DCC: variants seen among roughly 807,000 people sequenced by gnomAD.
DCC encodes DCC netrin 1 receptor.
A neutral mutation model predicts 172.5 loss-of-function variants in DCC; 58 were observed. The observed-to-expected ratio is 0.34, with a 90% CI of 0.27 to 0.42. The LOEUF (loss-of-function observed/expected upper bound fraction) is 0.42. Among genes scored for constraint, DCC ranks in the 10% least tolerant of loss-of-function variants. The pLI is 1.00. For synonymous variants in DCC, 709 were observed against 644.5 expected, an observed-to-expected ratio of 1.10 and a Z score of -1.52; for missense variants, 1,740 against 1,791.0, an observed-to-expected ratio of 0.97 and a Z score of 0.51.
At chr18:52,736,697 T>C (rs891495865) in intron 1 of DCC, among the ~76,000 whole-genome samples, 3 of 152,208 alleles carry the variant, frequency 2.0e-5, no homozygotes, top group Non-Finnish European at 2.9e-5. Context: ...AAAAATGTTA[T>C]ATAGCAAACA....
At chr18:53,181,773 G>T (rs535265257) in intron 9 of DCC, among the ~76,000 whole-genome samples, 1 of 152,260 alleles carries the variant, frequency 6.6e-6, no homozygotes, top group South Asian at 2.1e-4. Flanking sequence ...GGGGGAAGCA[G>T]GTATTTTAAA....
chr18:52,345,205 A>G (rs747884157), intron 1 of DCC, among the ~76,000 whole-genome samples: 4 of 152,232 alleles, frequency 2.6e-5, no homozygotes, highest in Non-Finnish European at 5.9e-5. Context: ...GCTTTGCCTG[A>G]GGCCAAAGAA....
chr18:53,259,522 A>C (rs1315250661), intron 12 of DCC, among the ~76,000 whole-genome samples: 1 of 152,166 alleles, frequency 6.6e-6, no homozygotes, highest in African/African-American at 2.4e-5. Context: ...TTTCTTTAAG[A>C]ATGTTGAATA....
chr18:52,568,826 T>C (rs1461932564), intron 1 of DCC, among the ~76,000 whole-genome samples: 2 of 152,192 alleles, frequency 1.3e-5, no homozygotes, highest in Non-Finnish European at 2.9e-5. Context: ...GATATTTTTT[T>C]AAATGCCTAA....
chr18:52,731,743 T>A (rs1485329134), intron 1 of DCC, among the ~76,000 whole-genome samples: 2 of 152,178 alleles, frequency 1.3e-5, no homozygotes, highest in East Asian at 3.9e-4. Flanking sequence ...TGCATTTTCT[T>A]CCTTGTCTTC....
intron 12 of DCC, among the ~76,000 whole-genome samples, chr18:53,277,952 T>TAATAA (rs1420782632): frequency 6.6e-6 from 1 of 152,208 alleles, no homozygotes; most frequent in East Asian, 1.9e-4. Flanking sequence ...TTTGCTGTTA[T>TAATAA]TTGATAAATA....
intron 1 of DCC, among the ~76,000 whole-genome samples, chr18:52,695,708 C>T (rs531876008): frequency 2.2e-4 from 34 of 152,210 alleles, no homozygotes; most frequent in Non-Finnish European, 3.5e-4. Context: ...GTATTTTGAA[C>T]GTGGGTAGAT....
chr18:52,494,367 T>C (rs970587648), intron 1 of DCC, among the ~76,000 whole-genome samples: 1 of 151,674 alleles, frequency 6.6e-6, no homozygotes, highest in South Asian at 2.1e-4. Context: ...GATGTGAGAG[T>C]TGATGTCATT....
intron 10 of DCC, among the ~76,000 whole-genome samples, chr18:53,205,946 T>C (rs756488001): frequency 9.9e-5 from 15 of 151,532 alleles, no homozygotes; most frequent in Middle Eastern, 6.8e-3. Context: ...AGTAAAAAGG[T>C]CTTTAGGGAG....
chr18:53,227,465 C>A (rs1434850475), intron 12 of DCC, among the ~76,000 whole-genome samples: 2 of 152,112 alleles, frequency 1.3e-5, no homozygotes, highest in Non-Finnish European at 2.9e-5. Flanking sequence ...TTTTCCAAAG[C>A]TGTTCAAAAC....
At chr18:52,987,828 A>G (rs1207259368) in intron 5 of DCC, among the ~76,000 whole-genome samples, 1 of 152,208 alleles carries the variant, frequency 6.6e-6, no homozygotes, top group Non-Finnish European at 1.5e-5. Flanking sequence ...AACTCACATA[A>G]CACAAAAATT....
chr18:53,452,889 GGGTTTGTTT>G (rs538621474), intron 23 of DCC, among the ~76,000 whole-genome samples: 124 of 138,818 alleles, frequency 8.9e-4, no homozygotes, highest in Middle Eastern at 3.6e-3. Context: ...TAGTTTAGTG[GGGTTTGTTT>G]GTTTGTTTGT....
rs111630181 is a variant in DCC at position 52,514,162 on chromosome 18, T to C, written c.91+173284T>C. 8.4e-3 allele frequency among the ~76,000 whole-genome samples: 1,283 copies of C among 152,268 alleles called. 24 individuals carry two copies. Among genetic ancestry groups the C allele is most frequent in the African/African-American group, 0.03 (1,233 of 41,550 alleles). On this transcript the variant is annotated intron_variant, in intron 1 of 28. Coordinates refer to ENST00000442544, the MANE Select transcript of DCC (RefSeq NM_005215.4). ...CTCTGTATATATGTGTATATATATA[T>C]AATGTATGTGTGTATATATAGTGTA...
At chr18:53,261,146 C>A (rs1598958998) in intron 12 of DCC, among the ~76,000 whole-genome samples, 1 of 152,314 alleles carries the variant, frequency 6.6e-6, no homozygotes, top group Admixed American at 6.5e-5. Context: ...ACCCCTTGCA[C>A]TTCCCGGGTG....
intron 5 of DCC, among the ~76,000 whole-genome samples, chr18:52,927,965 C>T (rs550029978): frequency 3.2e-4 from 48 of 152,102 alleles, no homozygotes; most frequent in African/African-American, 1.1e-3. Flanking sequence ...TACATACATG[C>T]GTATGTTCAT....
chr18:52,693,077 G>A (rs577360473), intron 1 of DCC, among the ~76,000 whole-genome samples: 16 of 152,042 alleles, frequency 1.1e-4, no homozygotes, highest in African/African-American at 2.9e-4. Context: ...GTTAATGGCT[G>A]GTGTGTGGGG....
Position 53,211,555 on chromosome 18 carries a change from C to T in DCC, c.1861+3738C>T, listed in dbSNP as rs984514876. On this transcript the variant is annotated intron_variant, in intron 11 of 28. Transcript: ENST00000442544. ...TGGCTAACATGGTGAAACCCACTCT[C>T]TACTAAAAATACCAAAGAATTAGCT... is the stretch of plus-strand genomic sequence containing the variant. Among the ~76,000 whole-genome samples the T allele has an allele frequency of 3.3e-5, 5 of 152,198 alleles. No homozygotes were observed. The East Asian group carries it at 5.8e-4, about 18-fold the overall frequency.
intron 12 of DCC, among the ~76,000 whole-genome samples, chr18:53,254,051 G>T (rs1439197997): frequency 6.6e-6 from 1 of 152,026 alleles, no homozygotes; most frequent in Non-Finnish European, 1.5e-5. Flanking sequence ...AAAACATCAG[G>T]AGAGTTGTAA....
rs1555707994 is a variant in DCC, at chr18:52,642,085, C to CACACAT, written c.92-109964_92-109963insTACACA. ...GTGTATATATATATATATATACACA[C>CACACAT]ACACACACACACTCACACACACATA... On this transcript the variant is annotated intron_variant, in intron 1 of 28. Transcript: ENST00000442544. Among the ~76,000 whole-genome samples the CACACAT allele has an allele frequency of 8.0e-3, 991 of 124,536 alleles. 43 individuals are homozygous for CACACAT. Among genetic ancestry groups the CACACAT allele is most frequent in the East Asian group, 0.023 (89 of 3,818 alleles). 81.7% of individuals were successfully genotyped at this position (124,536 alleles called of 152,430 possible). A position where few individuals can be genotyped will look rare whatever the true frequency, so the allele number is the denominator to read the frequency against.
Sources: gnomAD v4.1 joint callset for allele counts (sites outside exome capture counted in the v4.1 genomes callset) on GRCh38, gnomAD v4.1.1 for gene constraint, MANE v1.5 for transcripts, NCBI Gene and HGNC (gene_info 2026-07-23, HGNC 2026-07-21) for gene names.